The following HACL1 variants were observed in gnomAD, a reference collection of about 807,000 sequenced individuals.
HACL1 encodes 1600020H07Rik.
In HACL1, 64 loss-of-function variants were observed where a neutral mutation model predicts 74.2. The observed-to-expected ratio is 0.86, with a 90% CI of 0.70 to 1.06. The LOEUF (loss-of-function observed/expected upper bound fraction) is 1.06. Ranked by LOEUF, HACL1 falls within the 50% of genes least tolerant of loss-of-function variation. The pLI is 0.00. For synonymous variants in HACL1, 230 were observed against 238.8 expected, an observed-to-expected ratio of 0.96 and a Z score of 0.34; for missense variants, 728 against 719.7, an observed-to-expected ratio of 1.01 and a Z score of -0.13.
Position 15,560,788 on chromosome 3 carries a change from G to A in HACL1, c.*77C>T, listed in dbSNP as rs914716905. On this transcript the variant is annotated 3_prime_UTR_variant, in exon 17 of 17. Transcript: ENST00000321169. ...TTTATTTTGCACAATTTTAACAGTA[G>A]AGTAATTTTGCTGTGGAAAATAAAA... 3.3e-6 allele frequency: 3 copies of A among 919,192 alleles called. No homozygotes were observed. The East Asian group carries it at 7.2e-5, about 22-fold the overall frequency. The allele number at this position is 919,192 out of a possible 1,614,324, so 56.9% of individuals were successfully genotyped here.
intron 11 of HACL1, among the ~76,000 whole-genome samples, chr3:15,572,220 C>T (rs1261760923): frequency 6.6e-6 from 1 of 152,198 alleles, no homozygotes; most frequent in Non-Finnish European, 1.5e-5. Flanking sequence ...CTACCCTTCA[C>T]ATTACTCAGA....
intron 8 of HACL1, among the ~76,000 whole-genome samples, chr3:15,582,508 G>A (rs763229780): frequency 3.9e-5 from 6 of 152,120 alleles, no homozygotes; most frequent in African/African-American, 9.6e-5. Context: ...AATATAAAAC[G>A]GTCTATAATA....
At chr3:15,593,122 CACAT>C (rs1382393047) in intron 3 of HACL1, among the ~76,000 whole-genome samples, 24 of 137,922 alleles carry the variant, frequency 1.7e-4, no homozygotes, top group Middle Eastern at 3.6e-3. Flanking sequence ...TATATACACA[CACAT>C]ACGTATATAT....
chr3:15,601,487 C>T lies in HACL1; in HGVS notation c.-24G>A. 1 of 1,611,428 alleles carries T rather than the reference C, an allele frequency of 6.2e-7. No homozygotes were observed. The highest frequency in any genetic ancestry group is 8.5e-7 in the Non-Finnish European group (1 of 1,180,030). On this transcript the variant is annotated 5_prime_UTR_variant, in exon 1 of 17. The change creates a new upstream start codon in the 5' untranslated region. Transcript: ENST00000321169. Reference sequence around the variant, plus strand: ...ATCTTCCACCGAAAAGCTCTAAGCACTCACGCAGCCGGCAAACAAGCGGAA... The same window carrying T: ...ATCTTCCACCGAAAAGCTCTAAGCATTCACGCAGCCGGCAAACAAGCGGAA...
chr3:15,569,971 C>T (rs935210438), intron 12 of HACL1, among the ~76,000 whole-genome samples: 1 of 146,864 alleles, frequency 6.8e-6, no homozygotes, highest in Admixed American at 6.8e-5. Context: ...GCCTGGGCAA[C>T]AAGAGTGAAA....
At position 15,588,501 on chromosome 3, in the gene HACL1, G is replaced by C. The variant is rs140839814; in HGVS notation, c.381+1039C>G. On this transcript the variant is annotated intron_variant, in intron 5 of 16. Transcript: ENST00000321169. ...CCAGCCACTTAGGAGGCTGAGGTGG[G>C]AGGATGGCTTAAGCCTAGGAGGTAA... Among the ~76,000 whole-genome samples the C allele has an allele frequency of 4.4e-3, 667 of 152,244 alleles. 5 individuals carry two copies. The highest frequency in any genetic ancestry group is 0.015 in the African/African-American group (616 of 41,546).
At chr3:15,594,336 G>A (rs1359267384) in intron 3 of HACL1, among the ~76,000 whole-genome samples, 1 of 152,142 alleles carries the variant, frequency 6.6e-6, no homozygotes, top group Non-Finnish European at 1.5e-5. Context: ...AACCTGGGAG[G>A]TGGAGTTTGC....
intron 3 of HACL1, among the ~76,000 whole-genome samples, chr3:15,593,164 T>C (rs2063985155): frequency 6.7e-6 from 1 of 149,896 alleles, no homozygotes; most frequent in African/African-American, 2.5e-5. Context: ...CACACATACG[T>C]ATATATGTGT....
At chr3:15,579,850 A>G (rs750164323) in intron 9 of HACL1, 60 bp downstream of exon 9, 1 of 1,223,644 alleles carries the variant, frequency 8.2e-7, no homozygotes, top group Non-Finnish European at 1.2e-6. Flanking sequence ...ATCACAAAAT[A>G]ATTTAAATTA....
At chr3:15,580,444 C>G (rs1267283895) in intron 8 of HACL1, among the ~76,000 whole-genome samples, 1 of 152,184 alleles carries the variant, frequency 6.6e-6, no homozygotes, top group East Asian at 1.9e-4. Flanking sequence ...TCTGCCTATA[C>G]CTGGGCTTAA....
At chr3:15,600,116 T>A (rs568820168) in intron 2 of HACL1, among the ~76,000 whole-genome samples, 2 of 152,250 alleles carry the variant, frequency 1.3e-5, no homozygotes, top group African/African-American at 4.8e-5. Context: ...AAGAATGTCA[T>A]TCAATTAATA....
intron 5 of HACL1, among the ~76,000 whole-genome samples, chr3:15,588,804 A>ATTTTTTTTTTTTTTTTTTT (rs1553644278): frequency 1.1e-4 from 16 of 149,530 alleles, no homozygotes; most frequent in South Asian, 4.5e-4. Context: ...GTTTCTTTTA[A>ATTTTTTTTTTTTTTTTTTT]TTTTGACATG....
chr3:15,591,885 CGTATATAGT>C (rs1292539782), intron 3 of HACL1, among the ~76,000 whole-genome samples: 1 of 149,064 alleles, frequency 6.7e-6, no homozygotes, highest in Admixed American at 6.7e-5. Context: ...CACACATATA[CGTATATAGT>C]GTATACACTA....
At chr3:15,585,499 A>G (rs1427674368) in intron 6 of HACL1, among the ~76,000 whole-genome samples, 157 bp from the exon 7 acceptor site, 1 of 152,206 alleles carries the variant, frequency 6.6e-6, no homozygotes, top group African/African-American at 2.4e-5. Context: ...AATGTCCTCT[A>G]TTGACTACAT....
chr3:15,576,029 G>GCA (rs71615328), intron 9 of HACL1, among the ~76,000 whole-genome samples: 100,571 of 100,940 alleles, frequency 1, 50,104 homozygotes, highest in Middle Eastern at 1. Flanking sequence ...GGTGGTGCGT[G>GCA]CCTGTAGTCC....
At chr3:15,583,638 CTTTTT>C (rs562864590) in intron 7 of HACL1, among the ~76,000 whole-genome samples, 1 of 143,878 alleles carries the variant, frequency 7.0e-6, no homozygotes, top group Non-Finnish European at 1.5e-5. Context: ...CCACATTTCT[CTTTTT>C]TTTTTTTCTT....
chr3:15,572,258 C>T (rs1489092974), intron 11 of HACL1, among the ~76,000 whole-genome samples: 1 of 152,138 alleles, frequency 6.6e-6, no homozygotes, highest in African/African-American at 2.4e-5. Flanking sequence ...TTAGTAAACA[C>T]CTGATAGAAT....
At chr3:15,578,634 T>C (rs1021995834) in intron 9 of HACL1, among the ~76,000 whole-genome samples, 17 of 152,170 alleles carry the variant, frequency 1.1e-4, no homozygotes, top group Non-Finnish European at 2.1e-4. Context: ...AGATTTTTTT[T>C]CTTTTTTTCT....
chr3:15,576,802 A>C (rs952282356), intron 9 of HACL1, among the ~76,000 whole-genome samples: 1 of 152,172 alleles, frequency 6.6e-6, no homozygotes, highest in Non-Finnish European at 1.5e-5. Context: ...TTCAGTGATA[A>C]ATGCAATTTT....
Sources: allele counts gnomAD v4.1 joint callset (sites outside exome capture counted in the v4.1 genomes callset), GRCh38; gene constraint gnomAD v4.1.1; transcripts MANE v1.5; gene names NCBI Gene and HGNC (gene_info 2026-07-23, HGNC 2026-07-21).